Variants in PLD5 observed in about 807,000 individuals in gnomAD.
The protein encoded by PLD5 is inactive phospholipase D5.
In PLD5, 36 loss-of-function variants were observed where a neutral mutation model predicts 61.1. That is an observed-to-expected ratio of 0.59 (90% confidence interval 0.45 to 0.78). The LOEUF is 0.78. Ranked by LOEUF, PLD5 falls within the 30% of genes least tolerant of loss-of-function variation. PLD5 has a pLI of 0.00. For synonymous variants in PLD5, 243 were observed against 242.8 expected (o/e 1.00, Z -0.01); for missense variants, 515 against 644.4 (o/e 0.80, Z 2.17).
chr1:242,251,134 A>G (rs943606947), intron 4 of PLD5, among the ~76,000 whole-genome samples: 3 of 152,220 alleles, frequency 2.0e-5, no homozygotes, highest in African/African-American at 7.2e-5. Flanking sequence ...GTGAATATCC[A>G]AGAGGAAATG....
At chr1:242,403,290 CCTCT>C (rs1406781089) in intron 1 of PLD5, among the ~76,000 whole-genome samples, 4 of 152,146 alleles carry the variant, frequency 2.6e-5, no homozygotes, top group Admixed American at 2.6e-4. Flanking sequence ...ACTTTGACTT[CCTCT>C]CTGTTGACAG....
At chr1:242,296,160 T>C (rs1235238560) in intron 2 of PLD5, among the ~76,000 whole-genome samples, 2 of 152,188 alleles carry the variant, frequency 1.3e-5, no homozygotes, top group Non-Finnish European at 2.9e-5. Context: ...TTTACCATGA[T>C]GTTGGGCATT....
rs866211546 is a variant in PLD5 at position 242,396,925 on chromosome 1, G to T, written c.190-48683C>A. On this transcript the variant is annotated intron_variant, in intron 1 of 9. Transcript: ENST00000536534. ...GATATCTTGACCTTGTGATCCGCCC[G>T]CCTCAGCCTCCCAAAGTGCTGGGAT... Among the ~76,000 whole-genome samples the T allele has an allele frequency of 2.0e-5, 3 of 151,980 alleles. No individual in the cohort carries two copies. The Middle Eastern group carries it at 0.01, about 520-fold the overall frequency.
intron 1 of PLD5, among the ~76,000 whole-genome samples, chr1:242,406,547 G>T (rs1203315127): frequency 1.3e-5 from 2 of 152,196 alleles, no homozygotes; most frequent in East Asian, 3.8e-4. Context: ...CCAACCATCT[G>T]TGGTCCAGGT....
intron 1 of PLD5, among the ~76,000 whole-genome samples, chr1:242,388,534 T>C (rs533345869): frequency 2.2e-4 from 33 of 152,190 alleles, no homozygotes; most frequent in African/African-American, 7.5e-4. Context: ...AAGTAGTGGA[T>C]GGAATTCCAC....
intron 1 of PLD5, among the ~76,000 whole-genome samples, chr1:242,493,370 A>G (rs930099699): frequency 5.3e-5 from 8 of 152,268 alleles, no homozygotes; most frequent in African/African-American, 1.9e-4. Flanking sequence ...CTTCATGCTG[A>G]AGCCTCGACA....
intron 5 of PLD5, among the ~76,000 whole-genome samples, chr1:242,168,001 C>G (rs1233747460): frequency 2.0e-5 from 3 of 152,136 alleles, no homozygotes; most frequent in Non-Finnish European, 2.9e-5. Flanking sequence ...AATGCACATG[C>G]TGAGGTGCCA....
At chr1:242,521,707 T>C (rs1669286473) in intron 1 of PLD5, among the ~76,000 whole-genome samples, 1 of 152,198 alleles carries the variant, frequency 6.6e-6, no homozygotes, top group Non-Finnish European at 1.5e-5. Context: ...CTACCATATA[T>C]CACCTTTGAA....
At chr1:242,306,375 T>A (rs998736853) in intron 2 of PLD5, among the ~76,000 whole-genome samples, 3 of 151,742 alleles carry the variant, frequency 2.0e-5, no homozygotes, top group Non-Finnish European at 2.9e-5. Context: ...GTTACTGTGA[T>A]CCTGAACCTC....
intron 5 of PLD5, among the ~76,000 whole-genome samples, chr1:242,207,196 C>T (rs898612408): frequency 1.3e-5 from 2 of 152,178 alleles, no homozygotes; most frequent in Admixed American, 6.5e-5. Flanking sequence ...GACCAAACAA[C>T]TGGGCACCGG....
At chr1:242,340,038 A>G (rs1485316367) in intron 2 of PLD5, among the ~76,000 whole-genome samples, 1 of 152,212 alleles carries the variant, frequency 6.6e-6, no homozygotes, top group East Asian at 1.9e-4. Flanking sequence ...GATAAAAGGG[A>G]AAATACTTCA....
chr1:242,187,621 T>C (rs984140967), intron 5 of PLD5, among the ~76,000 whole-genome samples: 3 of 152,242 alleles, frequency 2.0e-5, no homozygotes, highest in African/African-American at 7.2e-5. Context: ...TTTCATTAAG[T>C]GCACGTAGAA....
At chr1:242,220,237 A>C (rs1295262827) in intron 4 of PLD5, 122 bp from the exon 5 acceptor site, 2 of 1,306,126 alleles carry the variant, frequency 1.5e-6, no homozygotes, top group African/African-American at 2.9e-5. Context: ...AGGAAAGCTA[A>C]ATATTTATGT....
intron 1 of PLD5, among the ~76,000 whole-genome samples, chr1:242,385,330 G>C (rs527610515): frequency 7.9e-5 from 12 of 152,126 alleles, no homozygotes; most frequent in Non-Finnish European, 1.5e-4. Flanking sequence ...AATGTGTCTA[G>C]ACTTGCTGGC....
intron 5 of PLD5, among the ~76,000 whole-genome samples, chr1:242,214,706 A>G (rs985725819): frequency 6.6e-6 from 1 of 152,106 alleles, no homozygotes; most frequent in African/African-American, 2.4e-5. Flanking sequence ...CTCCTTCAAC[A>G]GGTGTTAACC....
intron 5 of PLD5, among the ~76,000 whole-genome samples, chr1:242,131,550 C>T (rs916049148): frequency 3.9e-5 from 6 of 152,144 alleles, no homozygotes; most frequent in African/African-American, 1.4e-4. Flanking sequence ...TTAAACCTCA[C>T]GACAACCCAT....
At chr1:242,252,949 T>C (rs1422770502) in intron 4 of PLD5, among the ~76,000 whole-genome samples, 1 of 151,392 alleles carries the variant, frequency 6.6e-6, no homozygotes, top group Non-Finnish European at 1.5e-5. Context: ...CCCGAGTAGC[T>C]GGGATTACAG....
At chr1:242,251,535 G>C (rs1166869100) in intron 4 of PLD5, among the ~76,000 whole-genome samples, 1 of 152,186 alleles carries the variant, frequency 6.6e-6, no homozygotes, top group Non-Finnish European at 1.5e-5. Context: ...TGACAAGGTA[G>C]TTTCAGTGGA....
intron 5 of PLD5, among the ~76,000 whole-genome samples, chr1:242,136,375 C>T (rs1219693816): frequency 6.6e-6 from 1 of 152,094 alleles, no homozygotes; most frequent in Non-Finnish European, 1.5e-5. Context: ...TCGTAATATA[C>T]TCTTGACTTA....
Sources: gnomAD v4.1 joint callset for allele counts (sites outside exome capture counted in the v4.1 genomes callset) on GRCh38, gnomAD v4.1.1 for gene constraint, MANE v1.5 for transcripts, NCBI Gene and HGNC (gene_info 2026-07-23, HGNC 2026-07-21) for gene names.